The following TSKS variants were observed in gnomAD, a reference collection of about 807,000 sequenced individuals.
TSKS encodes testis specific serine kinase substrate, also known as testis-specific serine kinase substrate.
In TSKS, 27 loss-of-function variants were observed where a neutral mutation model predicts 68.0. That is an observed-to-expected ratio of 0.40 (90% CI 0.29 to 0.55). The LOEUF is 0.55. Among genes scored for constraint, TSKS ranks in the 20% least tolerant of loss-of-function variants. TSKS has a pLI of 0.53. For missense variants in TSKS, 806 were observed against 776.0 expected, an observed-to-expected ratio of 1.04 and a Z score of -0.46; for synonymous variants, 331 against 340.4, an observed-to-expected ratio of 0.97 and a Z score of 0.30.
At chr19:49,756,089 C>T (rs1349152749) in intron 2 of TSKS, among the ~76,000 whole-genome samples, 1 of 152,076 alleles carries the variant, frequency 6.6e-6, no homozygotes, top group East Asian at 1.9e-4. Context: ...ACTAGCAAAC[C>T]AAATCCAACA....
In TSKS at chr19:49,745,288, G is replaced by C; in HGVS notation, c.1101C>G (p.Gly367=). 1 of 1,606,348 alleles carries C rather than the reference G, an allele frequency of 6.2e-7. No individual in the cohort carries two copies. The highest frequency in any genetic ancestry group is 1.7e-5 in the Admixed American group (1 of 59,958). ...GLGGRVDGFL[G]QWERAQREQA... ...GTTCGCGCTGTGCCCGCTCCCACTGGCCTAGGAAGCCGTCGACCCTGCCGC... is the reference window on the plus strand; with the variant it reads ...GTTCGCGCTGTGCCCGCTCCCACTGCCCTAGGAAGCCGTCGACCCTGCCGC... The change falls in exon 7 of 11, where the codon GGC becomes GGG. Residue 367 remains glycine, a synonymous_variant. Transcript: ENST00000246801.
At chr19:49,739,973 G>A (rs1406772400) in intron 10 of TSKS, 41 bp from the exon 11 acceptor site, 12 of 1,609,706 alleles carry the variant, frequency 7.5e-6, no homozygotes, top group Non-Finnish European at 1.0e-5. Flanking sequence ...GCATGGCTAG[G>A]TGCTGGGGTG....
intron 8 of TSKS, 62 bp downstream of exon 8, chr19:49,744,169 C>T: frequency 6.5e-7 from 1 of 1,550,110 alleles, no homozygotes; most frequent in Admixed American, 1.7e-5. Context: ...GTCCCATCTC[C>T]TTCCGCATCT....
At chr19:49,744,622 G>A (rs2084280915) in intron 7 of TSKS, among the ~76,000 whole-genome samples, 1 of 151,980 alleles carries the variant, frequency 6.6e-6, no homozygotes, top group Non-Finnish European at 1.5e-5. Context: ...TGGCTCTGTG[G>A]CCCAGGCTGG....
chr19:49,747,301 G>C, intron 5 of TSKS, 88 bp downstream of exon 5: 1 of 1,608,226 alleles, frequency 6.2e-7, no homozygotes, highest in South Asian at 1.1e-5. Flanking sequence ...TGGTGTCGGG[G>C]CAGGGAGTTC....
Position 49,748,182 on chromosome 19 carries a change from G to A in TSKS, c.496-14C>T, listed in dbSNP as rs776355793. On this transcript the variant is annotated splice_polypyrimidine_tract_variant and intron_variant, in intron 3 of 10. Coordinates refer to ENST00000246801, the MANE Select transcript of TSKS (RefSeq NM_021733.2). ...AGAACACTCGCTCTGGAGCATGGAAGGAGGAGAGGTTAGCCAAGGACACGA... is the reference window on the plus strand; with the variant it reads ...AGAACACTCGCTCTGGAGCATGGAAAGAGGAGAGGTTAGCCAAGGACACGA... The A allele has an allele frequency of 1.2e-6, 2 of 1,613,930 alleles. No individual in the cohort carries two copies. Among genetic ancestry groups the A allele is most frequent in the African/African-American group, 2.7e-5 (2 of 74,940 alleles).
intron 2 of TSKS, among the ~76,000 whole-genome samples, chr19:49,751,215 A>G (rs2084346979): frequency 6.6e-6 from 1 of 150,966 alleles, no homozygotes; most frequent in Admixed American, 6.6e-5. Context: ...GACACAGGAG[A>G]ATCGCTTGAA....
At chr19:49,748,196 C>G (rs192023181) in intron 3 of TSKS, 28 bp from the exon 4 acceptor site, 3 of 1,612,486 alleles carry the variant, frequency 1.9e-6, no homozygotes, top group Non-Finnish European at 2.5e-6. Context: ...GAGAGGTTAG[C>G]CAAGGACACG....
intron 5 of TSKS, chr19:49,747,164 T>C (rs2084310071): frequency 1.3e-6 from 2 of 1,536,158 alleles, no homozygotes; most frequent in Non-Finnish European, 1.7e-6. Context: ...CCAGCTCGAT[T>C]CTCTTTCTGG....
At chr19:49,745,526 C>A (rs2084291171) in intron 6 of TSKS, 130 bp from the exon 7 acceptor site, 2 of 698,752 alleles carry the variant, frequency 2.9e-6, no homozygotes, top group East Asian at 6.3e-5. Context: ...TCCAGACCCA[C>A]CCAGGTCACC....
intron 8 of TSKS, among the ~76,000 whole-genome samples, chr19:49,743,566 C>A (rs1351587008): frequency 6.9e-6 from 1 of 144,214 alleles, no homozygotes; most frequent in African/African-American, 2.6e-5. Flanking sequence ...GGCATGATCT[C>A]AGCTCACTGC....
At chr19:49,749,214 T>C (rs2084328443) in intron 2 of TSKS, among the ~76,000 whole-genome samples, 1 of 152,220 alleles carries the variant, frequency 6.6e-6, no homozygotes, top group African/African-American at 2.4e-5. Context: ...TGTCTTTTAT[T>C]CTTCACAACT....
chr19:49,761,875 C>T (rs1017918610), intron 2 of TSKS, 129 bp downstream of exon 2: 8 of 704,904 alleles, frequency 1.1e-5, no homozygotes, highest in Non-Finnish European at 1.9e-5. Flanking sequence ...CCAGTTAGTT[C>T]CTCTGGGTCT....
intron 9 of TSKS, among the ~76,000 whole-genome samples, chr19:49,740,537 T>G (rs111814383): frequency 0.018 from 2,709 of 152,246 alleles, 46 homozygotes; most frequent in South Asian, 0.07. Context: ...CCTCCTACAT[T>G]CCATAATTTG....
chr19:49,740,040 C>T lies in TSKS; in HGVS notation c.1622+19G>A. On this transcript the variant is annotated intron_variant, in intron 10 of 10. Transcript: ENST00000246801. ...CCAAGATCTCACCCTCCTCCCATGCCCTCAGCCTCCTTCCTCACTCTGGCT... is the reference window on the plus strand; with the variant it reads ...CCAAGATCTCACCCTCCTCCCATGCTCTCAGCCTCCTTCCTCACTCTGGCT... 6.2e-7 allele frequency: 1 copy of T among 1,614,044 alleles called. No individual in the cohort carries two copies. The highest frequency in any genetic ancestry group is 1.1e-5 in the South Asian group (1 of 91,056).
At chr19:49,754,616 CA>C (rs1172357100) in intron 2 of TSKS, among the ~76,000 whole-genome samples, 2 of 152,080 alleles carry the variant, frequency 1.3e-5, no homozygotes, top group Admixed American at 1.3e-4. Flanking sequence ...AGAAACTGTT[CA>C]GGGGTAGGAT....
At chr19:49,748,891 A>G (rs1230079832) in intron 2 of TSKS, among the ~76,000 whole-genome samples, 1 of 152,082 alleles carries the variant, frequency 6.6e-6, no homozygotes, top group Non-Finnish European at 1.5e-5. Flanking sequence ...ACATGGTGAA[A>G]CCCCAACTCT....
intron 6 of TSKS, 143 bp from the exon 7 acceptor site, chr19:49,745,539 A>C: frequency 1.7e-6 from 1 of 594,892 alleles, no homozygotes; most frequent in Non-Finnish European, 2.7e-6. Flanking sequence ...AGGTCACCAA[A>C]TTTTATTGCA....
In TSKS at chr19:49,745,348, C is replaced by A; in HGVS notation, c.1041G>T (p.Ala347=). The change falls in exon 7 of 11, where the codon GCG becomes GCT. Residue 347 remains alanine, a synonymous_variant. Coordinates refer to ENST00000246801, the MANE Select transcript of TSKS (RefSeq NM_021733.2). ...LTARWHQEEG[A]VQEALRLLGG... Reference sequence around the variant, plus strand: ...CGAGCAGCCGCAGGGCTTCCTGCACCGCCCCCTCCTCCTGATGCCACCGGG... The same window carrying A: ...CGAGCAGCCGCAGGGCTTCCTGCACAGCCCCCTCCTCCTGATGCCACCGGG... The A allele has an allele frequency of 6.3e-7, 1 of 1,596,210 alleles. No homozygotes were observed. Among genetic ancestry groups the A allele is most frequent in the Admixed American group, 1.7e-5 (1 of 58,800 alleles).
Sources: allele counts gnomAD v4.1 joint callset (sites outside exome capture counted in the v4.1 genomes callset), GRCh38; gene constraint gnomAD v4.1.1; transcripts MANE v1.5; gene names NCBI Gene and HGNC (gene_info 2026-07-23, HGNC 2026-07-21).